Variants in CAMKMT observed in about 807,000 individuals in gnomAD.
CAMKMT encodes the protein CaM KMT.
A neutral mutation model predicts 48.0 loss-of-function variants in CAMKMT; 53 were observed. That is an observed-to-expected ratio of 1.10 (90% CI 0.89 to 1.39). The LOEUF is 1.39. CAMKMT is among the 40% of genes most tolerant of loss of function. The probability of loss-of-function intolerance (pLI) is 0.00; values close to 1 mark genes in which losing one functional copy is unlikely to be tolerated. For synonymous variants in CAMKMT, 165 were observed against 152.3 expected, an observed-to-expected ratio of 1.08 and a Z score of -0.61; for missense variants, 428 against 402.7, an observed-to-expected ratio of 1.06 and a Z score of -0.54.
intron 3 of CAMKMT, among the ~76,000 whole-genome samples, chr2:44,427,297 T>C (rs1684337966): frequency 6.6e-6 from 1 of 152,100 alleles, no homozygotes. Flanking sequence ...AACAAAAAAA[T>C]TGACAATTGG....
intron 3 of CAMKMT, among the ~76,000 whole-genome samples, chr2:44,474,291 C>CA (rs1212354425): frequency 1.3e-5 from 2 of 151,464 alleles, no homozygotes; most frequent in Non-Finnish European, 2.9e-5. Flanking sequence ...ACTAAAAATA[C>CA]AAAAAATTAG....
chr2:44,400,064 A>C (rs1312579433), intron 3 of CAMKMT, among the ~76,000 whole-genome samples: 1 of 152,204 alleles, frequency 6.6e-6, no homozygotes, highest in Non-Finnish European at 1.5e-5. Context: ...GGTATTCAGT[A>C]AGTATGCATT....
At chr2:44,746,577 G>A (rs560348804) in intron 8 of CAMKMT, among the ~76,000 whole-genome samples, 1 of 152,262 alleles carries the variant, frequency 6.6e-6, no homozygotes, top group Admixed American at 6.5e-5. Context: ...TTTTGACAAT[G>A]AAAAATAGTT....
intron 7 of CAMKMT, among the ~76,000 whole-genome samples, chr2:44,715,767 G>A (rs754590033): frequency 1.3e-5 from 2 of 152,046 alleles, no homozygotes; most frequent in South Asian, 2.1e-4. Flanking sequence ...GTAGGAGAGC[G>A]GGGAATGTTG....
chr2:44,769,755 A>G (rs1681026368), intron 10 of CAMKMT, among the ~76,000 whole-genome samples: 1 of 152,102 alleles, frequency 6.6e-6, no homozygotes, highest in African/African-American at 2.4e-5. Context: ...AAGTCAGTAC[A>G]TTGTGTTAAA....
chr2:44,537,224 A>G (rs530420746), intron 3 of CAMKMT, among the ~76,000 whole-genome samples: 1 of 152,264 alleles, frequency 6.6e-6, no homozygotes. Context: ...GAATAAAGGC[A>G]TAACCTTCTG....
At chr2:44,510,713 G>A (rs1670498774) in intron 3 of CAMKMT, among the ~76,000 whole-genome samples, 1 of 152,086 alleles carries the variant, frequency 6.6e-6, no homozygotes, top group Non-Finnish European at 1.5e-5. Context: ...ACATGGATAA[G>A]TTCTTTAGTG....
At chr2:44,545,515 A>G (rs17032347) in intron 3 of CAMKMT, among the ~76,000 whole-genome samples, 5,010 of 152,110 alleles carry the variant, frequency 0.033, 248 homozygotes, top group African/African-American at 0.11. Flanking sequence ...CCTTTCTCAG[A>G]GCTAGTACAC....
At chr2:44,592,376 T>C (rs1472283492) in intron 3 of CAMKMT, among the ~76,000 whole-genome samples, 1 of 152,174 alleles carries the variant, frequency 6.6e-6, no homozygotes, top group Non-Finnish European at 1.5e-5. Context: ...TAATGTTATT[T>C]ATAATTTTCC....
chr2:44,433,512 T>C (rs1000995438), intron 3 of CAMKMT, among the ~76,000 whole-genome samples: 4 of 152,170 alleles, frequency 2.6e-5, no homozygotes, highest in Admixed American at 2.6e-4. Flanking sequence ...ATAAGAAAAA[T>C]GGAAGTGTCT....
chr2:44,637,388 TG>T (rs756149748), intron 3 of CAMKMT, among the ~76,000 whole-genome samples: 1 of 152,210 alleles, frequency 6.6e-6, no homozygotes, highest in Non-Finnish European at 1.5e-5. Context: ...AAGAATTTTT[TG>T]CACTGAATGC....
chr2:44,570,520 G>T (rs764775741), intron 3 of CAMKMT, among the ~76,000 whole-genome samples: 1 of 152,096 alleles, frequency 6.6e-6, no homozygotes, highest in Non-Finnish European at 1.5e-5. Flanking sequence ...AGAGATATCT[G>T]TTCATTTACA....
At chr2:44,648,750 C>T (rs755841822) in intron 3 of CAMKMT, among the ~76,000 whole-genome samples, 16 of 152,168 alleles carry the variant, frequency 1.1e-4, no homozygotes, top group Non-Finnish European at 2.2e-4. Context: ...CCTTTGAGAG[C>T]AGTGATATCT....
chr2:44,477,007 A>G (rs958105599), intron 3 of CAMKMT, among the ~76,000 whole-genome samples: 5 of 152,202 alleles, frequency 3.3e-5, no homozygotes, highest in African/African-American at 1.2e-4. Context: ...GTTCTGGGTT[A>G]TAGTCTCAGA....
chr2:44,510,160 C>G (rs1192362728), intron 3 of CAMKMT, among the ~76,000 whole-genome samples: 2 of 152,158 alleles, frequency 1.3e-5, no homozygotes, highest in Non-Finnish European at 2.9e-5. Context: ...CTATTAATAT[C>G]CTTTTTCTGG....
intron 3 of CAMKMT, among the ~76,000 whole-genome samples, chr2:44,469,186 T>G (rs1668285449): frequency 6.6e-6 from 1 of 152,206 alleles, no homozygotes; most frequent in Non-Finnish European, 1.5e-5. Context: ...ATTACCCTGA[T>G]TTGATCATTA....
At chr2:44,412,620 G>C (rs1367207706) in intron 3 of CAMKMT, among the ~76,000 whole-genome samples, 1 of 152,068 alleles carries the variant, frequency 6.6e-6, no homozygotes, top group Non-Finnish European at 1.5e-5. Context: ...ACAGGCGTGA[G>C]CCACTGGGCC....
intron 3 of CAMKMT, among the ~76,000 whole-genome samples, chr2:44,492,885 G>T (rs1317728817): frequency 7.5e-6 from 1 of 133,184 alleles, no homozygotes; most frequent in East Asian, 2.0e-4. Context: ...GGGACATATT[G>T]TATCTTTTTT....
chr2:44,399,433 T>C (rs1055639319), intron 3 of CAMKMT, among the ~76,000 whole-genome samples: 1 of 152,084 alleles, frequency 6.6e-6, no homozygotes, highest in African/African-American at 2.4e-5. Flanking sequence ...GTGCCTATCC[T>C]CTGAATTTCT....
Sources: gnomAD v4.1 joint callset for allele counts (sites outside exome capture counted in the v4.1 genomes callset) on GRCh38, gnomAD v4.1.1 for gene constraint, MANE v1.5 for transcripts, NCBI Gene and HGNC (gene_info 2026-07-23, HGNC 2026-07-21) for gene names.